Variants in TRARG1 observed in about 807,000 individuals in gnomAD.
TRARG1 encodes the protein trafficking regulator of GLUT4 (SLC2A4) 1 (gene/pseudogene).
In TRARG1, 16 loss-of-function variants were observed where a neutral mutation model predicts 13.3. The observed-to-expected ratio is 1.20, with a 90% CI of 0.81 to 1.83. TRARG1 has a LOEUF of 1.83. Among genes scored for constraint, TRARG1 ranks in the 40% most tolerant of loss-of-function variants. The pLI, the probability that TRARG1 is intolerant of heterozygous loss-of-function variation, is 0.00. For synonymous variants in TRARG1, 113 were observed against 106.2 expected, an observed-to-expected ratio of 1.06 and a Z score of -0.39; for missense variants, 250 against 237.4, an observed-to-expected ratio of 1.05 and a Z score of -0.35.
rs1395476052 is a variant in TRARG1, at chr17:1,279,724, C to CA, written c.-277dup. On this transcript the variant is annotated 5_prime_UTR_variant, in exon 1 of 3. Coordinates refer to ENST00000333813, the MANE Select transcript of TRARG1 (RefSeq NM_172367.3). Reference sequence around the variant, plus strand: ...CCCTGCCCATCTGTGCTCTCAGCAGCACCAGCAAAGTTGGCCTCAAACTTG... The same window carrying CA: ...CCCTGCCCATCTGTGCTCTCAGCAGCAACCAGCAAAGTTGGCCTCAAACTTG... 1 of 447,686 alleles carries CA rather than the reference C, an allele frequency of 2.2e-6. No individual in the cohort carries two copies. The highest frequency in any genetic ancestry group is 2.0e-5 in the African/African-American group (1 of 50,882). 27.7% of individuals were successfully genotyped at this position (447,686 alleles called of 1,614,324 possible).
At chr17:1,296,883 G>T (rs1362539284) in intron 2 of TRARG1, among the ~76,000 whole-genome samples, 3 of 151,622 alleles carry the variant, frequency 2.0e-5, no homozygotes, top group Middle Eastern at 6.9e-3. Flanking sequence ...GACCTCAGGT[G>T]ATCCACCAGC....
At chr17:1,295,687 G>A in intron 2 of TRARG1, 64 bp downstream of exon 2, 2 of 1,509,394 alleles carry the variant, frequency 1.3e-6, no homozygotes, top group Non-Finnish European at 1.8e-6. Flanking sequence ...GCTCAAGGGT[G>A]TACCCAGCCT....
At position 1,282,218 on chromosome 17, in the gene TRARG1, ACACG is replaced by A. The variant is rs1177344941; in HGVS notation, c.387+1831_387+1834del. ...TGTACACGTGCGTATATGTACGTAT[ACACG>A]TGCGTATATGTACGTATATGCACGT... On this transcript the variant is annotated intron_variant, in intron 1 of 2. Coordinates refer to ENST00000333813, the MANE Select transcript of TRARG1 (RefSeq NM_172367.3). Among the ~76,000 whole-genome samples, 469 of 108,128 alleles carry A rather than the reference ACACG, an allele frequency of 4.3e-3. 12 individuals are homozygous for A. Among genetic ancestry groups the A allele is most frequent in the African/African-American group, 0.013 (372 of 27,876 alleles). 70.9% of individuals were successfully genotyped at this position (108,128 alleles called of 152,430 possible). A position where few individuals can be genotyped will look rare whatever the true frequency, so the allele number is the denominator to read the frequency against.
chr17:1,286,802 G>A (rs931997370), intron 1 of TRARG1, among the ~76,000 whole-genome samples: 2 of 149,778 alleles, frequency 1.3e-5, no homozygotes, highest in African/African-American at 4.9e-5. Context: ...TTATCAGCCC[G>A]TGGGGTGTTG....
intron 2 of TRARG1, 130 bp from the exon 3 acceptor site, chr17:1,298,121 C>T (rs1304390866): frequency 9.1e-7 from 1 of 1,095,792 alleles, no homozygotes; most frequent in Non-Finnish European, 1.3e-6. Flanking sequence ...GGTTCCCAAG[C>T]CTTAGCCTTC....
Position 1,298,741 on chromosome 17 carries a change from T to C in TRARG1, c.*477T>C, listed in dbSNP as rs113069857. On this transcript the variant is annotated 3_prime_UTR_variant, in exon 3 of 3. Coordinates refer to ENST00000333813, the MANE Select transcript of TRARG1 (RefSeq NM_172367.3). ...TCAAGCGGGGAAAGAATGGACTGTT[T>C]GCATGCTTCGTGCCACACGCCCGCG... is the stretch of plus-strand genomic sequence containing the variant. 0.017 allele frequency: 2,777 copies of C among 159,792 alleles called. 42 individuals are homozygous for C. Among genetic ancestry groups the C allele is most frequent in the Middle Eastern group, 0.058 (19 of 330 alleles). 9.9% of individuals were successfully genotyped at this position (159,792 alleles called of 1,614,324 possible). A position where few individuals can be genotyped will look rare whatever the true frequency, so the allele number is the denominator to read the frequency against.
intron 1 of TRARG1, among the ~76,000 whole-genome samples, chr17:1,291,605 G>T (rs2072069856): frequency 6.6e-6 from 1 of 152,158 alleles, no homozygotes; most frequent in Admixed American, 6.6e-5. Context: ...GCCTTTATTA[G>T]CGGTGTGAGA....
chr17:1,282,133 C>T (rs557217311), intron 1 of TRARG1, among the ~76,000 whole-genome samples: 244 of 63,690 alleles, frequency 3.8e-3, no homozygotes, highest in African/African-American at 0.015. Flanking sequence ...TGTACATATA[C>T]ACGCATATAT....
intron 1 of TRARG1, among the ~76,000 whole-genome samples, chr17:1,290,870 C>T (rs555649085): frequency 6.0e-5 from 9 of 150,614 alleles, no homozygotes; most frequent in Middle Eastern, 3.5e-3. Flanking sequence ...CTGCTGCTCT[C>T]GCGATAATGA....
chr17:1,284,829 C>A (rs980660684), intron 1 of TRARG1, among the ~76,000 whole-genome samples: 1 of 151,926 alleles, frequency 6.6e-6, no homozygotes. Flanking sequence ...TACAGGCGCC[C>A]GCCACCACAC....
intron 1 of TRARG1, among the ~76,000 whole-genome samples, chr17:1,284,352 C>T (rs950405080): frequency 2.0e-5 from 3 of 152,200 alleles, no homozygotes; most frequent in East Asian, 3.8e-4. Context: ...GCCGCAGTGC[C>T]GTAGCAGCAC....
At chr17:1,286,819 TGTGGGGTGTTGTTGTC>T (rs2072028904) in intron 1 of TRARG1, among the ~76,000 whole-genome samples, 2 of 104,838 alleles carry the variant, frequency 1.9e-5, no homozygotes, top group Admixed American at 1.1e-4. Flanking sequence ...GTTGTCGGCC[TGTGGGGTGTTGTTGTC>T]GGCCTGTGGG....
At chr17:1,295,470 C>T in intron 1 of TRARG1, 21 bp from the exon 2 acceptor site, 1 of 1,575,290 alleles carries the variant, frequency 6.3e-7, no homozygotes, top group Non-Finnish European at 8.6e-7. Flanking sequence ...TTCCCGGGGT[C>T]TCTCTGTGCT....
At chr17:1,282,103 T>C (rs1370064904) in intron 1 of TRARG1, among the ~76,000 whole-genome samples, 1 of 143,964 alleles carries the variant, frequency 6.9e-6, no homozygotes, top group African/African-American at 2.6e-5. Context: ...TACGTATATG[T>C]GTACACATAA....
chr17:1,282,548 T>C (rs930141767), intron 1 of TRARG1, among the ~76,000 whole-genome samples: 1 of 151,740 alleles, frequency 6.6e-6, no homozygotes, highest in Non-Finnish European at 1.5e-5. Flanking sequence ...TTTTTGTATT[T>C]TTAGTAGAGA....
intron 1 of TRARG1, among the ~76,000 whole-genome samples, chr17:1,287,055 G>A (rs1462210810): frequency 3.9e-5 from 6 of 151,940 alleles, no homozygotes; most frequent in Admixed American, 3.3e-4. Flanking sequence ...GGGAGGGAGC[G>A]AGGCCAGGAA....
intron 1 of TRARG1, 33 bp from the exon 2 acceptor site, chr17:1,295,458 G>T (rs754826006): frequency 6.4e-7 from 1 of 1,558,988 alleles, no homozygotes; most frequent in South Asian, 1.2e-5. Context: ...CAGCCTTCCC[G>T]GTTCCCGGGG....
rs111941784 is a variant in TRARG1 at position 1,285,272 on chromosome 17, G to C, written c.387+4884G>C. ...TAAAAATACAAAAAATTAGCCAGGC[G>C]TGGCGGCACACACCTATAATCCCAG... On this transcript the variant is annotated intron_variant, in intron 1 of 2. Coordinates refer to ENST00000333813, the MANE Select transcript of TRARG1 (RefSeq NM_172367.3). Among the ~76,000 whole-genome samples, 43 of 151,884 alleles carry C rather than the reference G, an allele frequency of 2.8e-4. No homozygotes were observed. The East Asian group carries it at 6.2e-3, about 22-fold the overall frequency.
At chr17:1,291,953 C>T (rs945464543) in intron 1 of TRARG1, among the ~76,000 whole-genome samples, 1 of 152,082 alleles carries the variant, frequency 6.6e-6, no homozygotes, top group Non-Finnish European at 1.5e-5. Flanking sequence ...GCTGGGATCA[C>T]CTGAGGTCGG....
Sources: allele counts gnomAD v4.1 joint callset (sites outside exome capture counted in the v4.1 genomes callset), GRCh38; gene constraint gnomAD v4.1.1; transcripts MANE v1.5; gene names NCBI Gene and HGNC (gene_info 2026-07-23, HGNC 2026-07-21).